GNG7: variants seen among roughly 807,000 people sequenced by gnomAD.
GNG7 encodes guanine nucleotide-binding protein G(I)/G(S)/G(O) subunit gamma-7.
In GNG7, 1 loss-of-function variant was observed where a neutral mutation model predicts 4.0. The ratio of observed to expected loss-of-function variants is 0.25; its 90% confidence interval spans 0.09 to 1.18. The LOEUF is 1.18. GNG7 is among the 50% of genes most tolerant of loss of function. The pLI is 0.50. For synonymous variants in GNG7, 34 were observed against 36.9 expected, an observed-to-expected ratio of 0.92 and a Z score of 0.29; for missense variants, 86 against 91.9, an observed-to-expected ratio of 0.94 and a Z score of 0.26.
chr19:2,547,207 C>CCTGGA (rs1979158405), intron 3 of GNG7, among the ~76,000 whole-genome samples: 2 of 152,116 alleles, frequency 1.3e-5, no homozygotes, highest in South Asian at 4.1e-4. Flanking sequence ...CTGGCAGCTC[C>CCTGGA]CTGGACGTTC....
chr19:2,572,718 C>G (rs945597016), intron 2 of GNG7, among the ~76,000 whole-genome samples: 1 of 151,724 alleles, frequency 6.6e-6, no homozygotes, highest in Non-Finnish European at 1.5e-5. Context: ...CTCAGCCTCC[C>G]GAGTAGCTGG....
At chr19:2,683,380 C>G (rs1323916789) in intron 1 of GNG7, 2 of 152,094 alleles carry the variant, frequency 1.3e-5, no homozygotes, top group Non-Finnish European at 2.9e-5. Flanking sequence ...TGTGAGCCAC[C>G]ACTCCCGGCC....
At chr19:2,699,729 A>T (rs1412520802) in intron 1 of GNG7, among the ~76,000 whole-genome samples, 2 of 152,138 alleles carry the variant, frequency 1.3e-5, no homozygotes, top group African/African-American at 4.8e-5. Flanking sequence ...GAGTGGGTGG[A>T]GGTCAGGGAT....
chr19:2,531,822 C>T (rs370770966), intron 3 of GNG7, among the ~76,000 whole-genome samples: 5 of 150,472 alleles, frequency 3.3e-5, no homozygotes, highest in South Asian at 2.1e-4. Context: ...GTAAGACATA[C>T]GAGGAGCCAG....
At chr19:2,657,400 A>ATATATATG (rs1983025541) in intron 1 of GNG7, among the ~76,000 whole-genome samples, 9 of 91,710 alleles carry the variant, frequency 9.8e-5, no homozygotes, top group Admixed American at 4.4e-4. Context: ...ATATATATAT[A>ATATATATG]CACATAATAA....
chr19:2,573,637 T>C (rs115944825), intron 2 of GNG7, among the ~76,000 whole-genome samples: 12,897 of 151,758 alleles, frequency 0.085, 787 homozygotes, highest in African/African-American at 0.17. Context: ...GTCAACATGG[T>C]GAAAGAGTTA....
intron 2 of GNG7, chr19:2,643,637 G>C: frequency 2.2e-6 from 1 of 455,186 alleles, no homozygotes; most frequent in Non-Finnish European, 4.4e-6. Flanking sequence ...ACCTCTCCGG[G>C]CTCTGCACAC....
intron 3 of GNG7, chr19:2,538,278 AC>A: frequency 2.2e-6 from 1 of 456,418 alleles, no homozygotes; most frequent in Admixed American, 2.4e-5. Flanking sequence ...TGAGAATGAA[AC>A]CGACCAGGTC....
At chr19:2,632,306 G>C (rs552074790) in intron 2 of GNG7, among the ~76,000 whole-genome samples, 33 of 152,084 alleles carry the variant, frequency 2.2e-4, no homozygotes, top group African/African-American at 8.0e-4. Context: ...TCAGGCACCT[G>C]TAATCCCAGC....
At chr19:2,682,109 A>G (rs1382540774) in intron 1 of GNG7, among the ~76,000 whole-genome samples, 1 of 151,514 alleles carries the variant, frequency 6.6e-6, no homozygotes, top group East Asian at 2.0e-4. Flanking sequence ...GGGTTTCACT[A>G]TGTTGGCCAG....
intron 4 of GNG7, among the ~76,000 whole-genome samples, chr19:2,520,053 T>C (rs1290522576): frequency 1.3e-5 from 2 of 152,170 alleles, no homozygotes; most frequent in African/African-American, 4.8e-5. Flanking sequence ...TGGTGGTGCA[T>C]GCCTGTAATC....
intron 2 of GNG7, among the ~76,000 whole-genome samples, chr19:2,592,307 A>G (rs1980869446): frequency 6.6e-6 from 1 of 151,912 alleles, no homozygotes; most frequent in Admixed American, 6.6e-5. Flanking sequence ...CATTTTTCAA[A>G]AGGCTGAAAA....
intron 2 of GNG7, among the ~76,000 whole-genome samples, chr19:2,582,456 C>A (rs1047185617): frequency 6.6e-6 from 1 of 151,908 alleles, no homozygotes; most frequent in East Asian, 1.9e-4. Flanking sequence ...ATAGATCATA[C>A]AATGAGCTGT....
intron 1 of GNG7, chr19:2,700,942 C>T (rs1041065395): frequency 2.0e-5 from 3 of 152,092 alleles, no homozygotes; most frequent in Non-Finnish European, 4.4e-5. Context: ...TGCCTCTGTT[C>T]ATCAAGCCTG....
At chr19:2,603,477 G>A (rs1599416461) in intron 2 of GNG7, among the ~76,000 whole-genome samples, 1 of 152,238 alleles carries the variant, frequency 6.6e-6, no homozygotes, top group Non-Finnish European at 1.5e-5. Context: ...GTGAGACCGC[G>A]GTGGCTCTCT....
chr19:2,633,485 G>GCACA lies in GNG7; in HGVS notation c.-78+12738_-78+12739insTGTG, dbSNP rs1294558407. The stretch of plus-strand genomic sequence containing the variant: ...CTTAGCAACAGGCGCGCGCGCGCGC[G>GCACA]CGCACACACACACACACACACACAC... On this transcript the variant is annotated intron_variant, in intron 2 of 4. Transcript: ENST00000382159. This position sits in a 1 kb window ranked among gnomAD's most constrained non-coding sequence, Gnocchi z 5.9. Among the ~76,000 whole-genome samples the GCACA allele has an allele frequency of 0.077, 10,095 of 131,370 alleles. 441 individuals carry two copies. The highest frequency in any genetic ancestry group is 0.1 in the East Asian group (441 of 4,256). 86.2% of individuals were successfully genotyped at this position (131,370 alleles called of 152,430 possible).
At chr19:2,661,453 A>AT (rs1399239398) in intron 1 of GNG7, among the ~76,000 whole-genome samples, 10 of 151,746 alleles carry the variant, frequency 6.6e-5, no homozygotes, top group Admixed American at 2.0e-4. Context: ...GAGATCAGGA[A>AT]TTTGAGACCA....
At chr19:2,674,155 C>A (rs539670101) in intron 1 of GNG7, among the ~76,000 whole-genome samples, 2 of 152,124 alleles carry the variant, frequency 1.3e-5, no homozygotes, top group Admixed American at 1.3e-4. Flanking sequence ...ATCCCAGCTA[C>A]TCCAGAGGCT....
intron 2 of GNG7, among the ~76,000 whole-genome samples, chr19:2,597,073 A>AC (rs1981044668): frequency 6.6e-6 from 1 of 152,086 alleles, no homozygotes; most frequent in Non-Finnish European, 1.5e-5. Context: ...ATCCTGGACA[A>AC]CATAGCAAGA....
Sources: allele counts gnomAD v4.1 joint callset (sites outside exome capture counted in the v4.1 genomes callset), GRCh38; gene constraint gnomAD v4.1.1; non-coding constraint Gnocchi (gnomAD v3.1); transcripts MANE v1.5; gene names NCBI Gene and HGNC (gene_info 2026-07-23, HGNC 2026-07-21).